The following SLC35F1 variants were observed in gnomAD, a reference collection of about 807,000 sequenced individuals.
SLC35F1 encodes chromosome 6 open reading frame 169.
In SLC35F1, 14 loss-of-function variants were observed where a neutral mutation model predicts 48.7. That is an observed-to-expected ratio of 0.29 (90% CI 0.19 to 0.45). The LOEUF (loss-of-function observed/expected upper bound fraction) is 0.45, where lower values mean the gene tolerates loss of function less well. Among genes scored for constraint, SLC35F1 ranks in the 20% least tolerant of loss-of-function variants. The pLI, the probability that SLC35F1 is intolerant of heterozygous loss-of-function variation, is 1.00. For synonymous variants in SLC35F1, 190 were observed against 202.2 expected (o/e 0.94, Z 0.51); for missense variants, 404 against 500.0 (o/e 0.81, Z 1.83).
intron 6 of SLC35F1, 127 bp from the exon 7 acceptor site, chr6:118,285,057 G>C (rs1006675232): frequency 1.1e-6 from 1 of 925,424 alleles, no homozygotes; most frequent in Non-Finnish European, 1.6e-6. Context: ...TCAGTGAATA[G>C]GGGAAAAGAG....
chr6:118,013,190 A>G (rs1273752078), intron 1 of SLC35F1, among the ~76,000 whole-genome samples: 1 of 152,198 alleles, frequency 6.6e-6, no homozygotes, highest in Admixed American at 6.5e-5. Context: ...CGTGACACTG[A>G]GAACAAAGGC....
At chr6:118,131,687 G>A (rs778929018) in intron 1 of SLC35F1, among the ~76,000 whole-genome samples, 4 of 151,966 alleles carry the variant, frequency 2.6e-5, no homozygotes, top group Non-Finnish European at 2.9e-5. Flanking sequence ...ACTTTCATGA[G>A]TATAATTGAT....
intron 2 of SLC35F1, among the ~76,000 whole-genome samples, chr6:118,230,152 C>T (rs564689829): frequency 9.2e-5 from 14 of 152,086 alleles, no homozygotes; most frequent in East Asian, 1.9e-4. Context: ...CTATCCTGGC[C>T]AACATGGTGA....
At chr6:118,026,066 G>A (rs1184737447) in intron 1 of SLC35F1, among the ~76,000 whole-genome samples, 1 of 152,142 alleles carries the variant, frequency 6.6e-6, no homozygotes, top group Non-Finnish European at 1.5e-5. Context: ...GCCTTTGTCA[G>A]CCTCCAAGCT....
intron 1 of SLC35F1, among the ~76,000 whole-genome samples, chr6:118,135,673 G>T (rs2114431355): frequency 6.6e-6 from 1 of 152,326 alleles, no homozygotes; most frequent in South Asian, 2.1e-4. Flanking sequence ...ACACTCTAAA[G>T]ACCTCTGCTG....
chr6:118,298,687 G>C (rs1203873374), intron 7 of SLC35F1, among the ~76,000 whole-genome samples: 1 of 152,124 alleles, frequency 6.6e-6, no homozygotes, highest in African/African-American at 2.4e-5. Context: ...ATGACTTCTG[G>C]TAGGTAATGC....
chr6:118,289,709 C>T (rs1293290592), intron 7 of SLC35F1, among the ~76,000 whole-genome samples: 1 of 152,100 alleles, frequency 6.6e-6, no homozygotes, highest in African/African-American at 2.4e-5. Context: ...CAACTCTGGC[C>T]ATACCTTACA....
intron 3 of SLC35F1, among the ~76,000 whole-genome samples, chr6:118,255,825 T>A (rs576010991): frequency 4.6e-5 from 7 of 152,330 alleles, no homozygotes; most frequent in Admixed American, 4.6e-4. Flanking sequence ...CACATTTGAT[T>A]AGCTTAGCTC....
At chr6:118,074,923 C>T (rs993011064) in intron 1 of SLC35F1, among the ~76,000 whole-genome samples, 41 of 152,212 alleles carry the variant, frequency 2.7e-4, no homozygotes, top group African/African-American at 8.7e-4. Context: ...GGATTACAGG[C>T]GTGAGCCACT....
chr6:117,971,884 G>A (rs1223028132), intron 1 of SLC35F1, among the ~76,000 whole-genome samples: 3 of 152,198 alleles, frequency 2.0e-5, no homozygotes, highest in African/African-American at 7.2e-5. Flanking sequence ...TGTGATGGAT[G>A]GAAGGGCTTG....
At chr6:118,313,671 C>A (rs1165326958) in intron 7 of SLC35F1, among the ~76,000 whole-genome samples, 1 of 152,128 alleles carries the variant, frequency 6.6e-6, no homozygotes, top group Non-Finnish European at 1.5e-5. Context: ...TTTAATGAAG[C>A]CACAAACAAC....
At chr6:117,966,958 C>A (rs1360263973) in intron 1 of SLC35F1, among the ~76,000 whole-genome samples, 2 of 152,186 alleles carry the variant, frequency 1.3e-5, no homozygotes, top group African/African-American at 4.8e-5. Flanking sequence ...CCAAGTGTCA[C>A]TGATACTTCT....
At chr6:118,286,783 G>A (rs1274234233) in intron 7 of SLC35F1, among the ~76,000 whole-genome samples, 2 of 131,236 alleles carry the variant, frequency 1.5e-5, no homozygotes, top group African/African-American at 3.3e-5. Context: ...TTCTGTGTGT[G>A]TGTGTGTGTG....
At chr6:118,190,270 C>T (rs538760786) in intron 2 of SLC35F1, among the ~76,000 whole-genome samples, 67 of 152,188 alleles carry the variant, frequency 4.4e-4, no homozygotes, top group African/African-American at 1.6e-3. Flanking sequence ...ATCCTGTTTA[C>T]AGGAGAAAAA....
chr6:118,289,718 C>A (rs1299838652), intron 7 of SLC35F1, among the ~76,000 whole-genome samples: 1 of 152,080 alleles, frequency 6.6e-6, no homozygotes, highest in Non-Finnish European at 1.5e-5. Flanking sequence ...CCATACCTTA[C>A]AATCACATGG....
rs941022297 is a variant in SLC35F1 at position 118,020,329 on chromosome 6, G to A, written c.173+112430G>A. Among the ~76,000 whole-genome samples the A allele has an allele frequency of 5.3e-5, 8 of 152,152 alleles. 1 individual carries two copies. The highest frequency in any genetic ancestry group is 8.8e-5 in the Non-Finnish European group (6 of 68,044). On this transcript the variant is annotated intron_variant, in intron 1 of 7. Coordinates refer to ENST00000360388, the MANE Select transcript of SLC35F1 (RefSeq NM_001029858.4). ...CACCATTATTAGGACATACTGTGCT[G>A]TACTTATTATACAGAAGTAAAGCTG...
chr6:117,939,339 G>A (rs529837566), intron 1 of SLC35F1, among the ~76,000 whole-genome samples: 2 of 152,244 alleles, frequency 1.3e-5, no homozygotes, highest in East Asian at 1.9e-4. Flanking sequence ...AAAAAGCAGC[G>A]CTTAGCTCTA....
chr6:118,012,386 A>G (rs1409051045), intron 1 of SLC35F1, among the ~76,000 whole-genome samples: 1 of 151,818 alleles, frequency 6.6e-6, no homozygotes, highest in Non-Finnish European at 1.5e-5. Flanking sequence ...CGTGACTGTG[A>G]GAGTCTTCAT....
At chr6:118,237,653 G>A (rs1775382782) in intron 3 of SLC35F1, among the ~76,000 whole-genome samples, 1 of 152,120 alleles carries the variant, frequency 6.6e-6, no homozygotes, top group Admixed American at 6.5e-5. Flanking sequence ...GCCTCCTAAA[G>A]TGCTGGGATT....
Sources: gnomAD v4.1 joint callset for allele counts (sites outside exome capture counted in the v4.1 genomes callset) on GRCh38, gnomAD v4.1.1 for gene constraint, MANE v1.5 for transcripts, NCBI Gene and HGNC (gene_info 2026-07-23, HGNC 2026-07-21) for gene names.